BCAS4: variants seen among roughly 807,000 people sequenced by gnomAD.
BCAS4 encodes breast carcinoma-amplified sequence 4.
In BCAS4, 9 loss-of-function variants were observed where a neutral mutation model predicts 15.7. That is an observed-to-expected ratio of 0.57 (90% CI 0.34 to 1.00). The LOEUF is 1.00. Among genes scored for constraint, BCAS4 ranks in the 50% least tolerant of loss-of-function variants. The pLI is 0.02. For synonymous variants in BCAS4, 101 were observed against 99.5 expected (o/e 1.02, Z -0.09); for missense variants, 225 against 239.1 (o/e 0.94, Z 0.39).
chr20:50,797,671 T>C (rs1350114443), intron 1 of BCAS4, among the ~76,000 whole-genome samples: 1 of 152,132 alleles, frequency 6.6e-6, no homozygotes, highest in Non-Finnish European at 1.5e-5. Flanking sequence ...CTATGCAATT[T>C]TTTTTGTTTT....
intron 4 of BCAS4, among the ~76,000 whole-genome samples, chr20:50,866,231 T>C (rs1979351455): frequency 2.6e-5 from 4 of 152,158 alleles, no homozygotes; most frequent in African/African-American, 9.7e-5. Flanking sequence ...CCGGCCGTGG[T>C]GGGGGCCCCA....
chr20:50,817,962 G>A (rs1027222391), intron 1 of BCAS4, among the ~76,000 whole-genome samples: 1 of 151,976 alleles, frequency 6.6e-6, no homozygotes, highest in South Asian at 2.1e-4. Context: ...TCCTGTATTT[G>A]TTGATCTTGT....
At chr20:50,819,872 A>G (rs537934311) in intron 2 of BCAS4, among the ~76,000 whole-genome samples, 3 of 150,058 alleles carry the variant, frequency 2.0e-5, no homozygotes, top group East Asian at 2.0e-4. Context: ...TCCTTTCGAG[A>G]TAGAGTCTCG....
chr20:50,859,583 G>T (rs1978961160), intron 4 of BCAS4, among the ~76,000 whole-genome samples: 1 of 137,008 alleles, frequency 7.3e-6, no homozygotes, highest in Non-Finnish European at 1.5e-5. Context: ...CCAGTGGGAG[G>T]CTCAGCCTGG....
At chr20:50,812,391 C>T (rs147523290) in intron 1 of BCAS4, among the ~76,000 whole-genome samples, 199 of 150,928 alleles carry the variant, frequency 1.3e-3, no homozygotes, top group Non-Finnish European at 2.4e-3. Flanking sequence ...CCCTTGGCCT[C>T]CCAAAGTACT....
chr20:50,855,839 C>T (rs1467848347), intron 4 of BCAS4, among the ~76,000 whole-genome samples: 1 of 152,250 alleles, frequency 6.6e-6, no homozygotes, highest in African/African-American at 2.4e-5. Flanking sequence ...AATGGAGGAC[C>T]TGGGTCCCCG....
At chr20:50,870,996 G>A (rs1317037047) in intron 4 of BCAS4, among the ~76,000 whole-genome samples, 2 of 152,352 alleles carry the variant, frequency 1.3e-5, no homozygotes, top group South Asian at 4.1e-4. Flanking sequence ...CGGGAGGAGG[G>A]GGTGGGGAGC....
At chr20:50,819,720 T>A (rs1359696676) in intron 2 of BCAS4, among the ~76,000 whole-genome samples, 1 of 152,124 alleles carries the variant, frequency 6.6e-6, no homozygotes. Flanking sequence ...CAAGACAGGC[T>A]TTTAACAGCC....
chr20:50,879,174 G>A (rs1475295456), downstream of BCAS4: 2 of 152,198 alleles, frequency 1.3e-5, no homozygotes, highest in African/African-American at 4.8e-5. Context: ...TTATCGAAGG[G>A]AGCTTGGACA....
At chr20:50,812,171 T>C (rs1028967007) in intron 1 of BCAS4, among the ~76,000 whole-genome samples, 7 of 151,562 alleles carry the variant, frequency 4.6e-5, no homozygotes, top group East Asian at 2.0e-4. Context: ...CTCACTCTGT[T>C]GCCCAGGCTG....
At chr20:50,801,770 A>G (rs2087929365) in intron 1 of BCAS4, among the ~76,000 whole-genome samples, 1 of 152,138 alleles carries the variant, frequency 6.6e-6, no homozygotes, top group Admixed American at 6.6e-5. Context: ...TGACAAACAG[A>G]GTGACTAAAT....
At chr20:50,856,239 T>C (rs1218278203) in intron 4 of BCAS4, among the ~76,000 whole-genome samples, 1 of 152,216 alleles carries the variant, frequency 6.6e-6, no homozygotes, top group Admixed American at 6.5e-5. Flanking sequence ...GCAATCCCTT[T>C]GATGCCCACG....
upstream of BCAS4, chr20:50,794,933 G>A (rs2087830670): frequency 3.5e-6 from 4 of 1,132,550 alleles, no homozygotes; most frequent in Non-Finnish European, 3.3e-6. Context: ...CGCTCCTGGA[G>A]CTGCGAGCCG....
intron 2 of BCAS4, among the ~76,000 whole-genome samples, chr20:50,821,957 G>A (rs1366455774): frequency 2.6e-5 from 4 of 152,174 alleles, no homozygotes; most frequent in Non-Finnish European, 4.4e-5. Context: ...TTTTTCCTCC[G>A]TAAAATGAAA....
intron 1 of BCAS4, among the ~76,000 whole-genome samples, chr20:50,805,040 T>C (rs2087973392): frequency 6.6e-6 from 1 of 152,194 alleles, no homozygotes; most frequent in Non-Finnish European, 1.5e-5. Context: ...CTTGCTATGC[T>C]AAGATTCTTC....
chr20:50,795,003 A>C, upstream of BCAS4: 6 of 1,347,680 alleles, frequency 4.5e-6, no homozygotes, highest in Non-Finnish European at 3.8e-6. Flanking sequence ...CATGCAGCGG[A>C]CCGGGGGCGG....
chr20:50,843,715 C>T (rs2088510122), intron 4 of BCAS4, among the ~76,000 whole-genome samples: 1 of 152,228 alleles, frequency 6.6e-6, no homozygotes, highest in East Asian at 1.9e-4. Flanking sequence ...GAGAAGCCCT[C>T]TGGGATTGCC....
At chr20:50,859,143 A>T (rs540444210) in intron 4 of BCAS4, among the ~76,000 whole-genome samples, 3 of 151,862 alleles carry the variant, frequency 2.0e-5, no homozygotes, top group African/African-American at 7.2e-5. Context: ...ATGTCTTGCT[A>T]TGTTGCCCAG....
intron 2 of BCAS4, among the ~76,000 whole-genome samples, chr20:50,823,625 C>T (rs1331613453): frequency 2.0e-5 from 3 of 152,110 alleles, no homozygotes; most frequent in Non-Finnish European, 4.4e-5. Flanking sequence ...AGTTTGAGAC[C>T]AGCCTGGGCA....
Sources: gnomAD v4.1 joint callset for allele counts (sites outside exome capture counted in the v4.1 genomes callset) on GRCh38, gnomAD v4.1.1 for gene constraint, MANE v1.5 for transcripts, NCBI Gene and HGNC (gene_info 2026-07-23, HGNC 2026-07-21) for gene names.